Variants in PCDH11X observed in about 807,000 individuals in gnomAD.
PCDH11X encodes protocadherin 11 X-linked, also known as protocadherin-11 X-linked.
PCDH11X carries 18 observed loss-of-function variants against 53.3 expected under a neutral mutation model. The ratio of observed to expected loss-of-function variants is 0.34; its 90% CI spans 0.23 to 0.50. The LOEUF (loss-of-function observed/expected upper bound fraction) is 0.50, where lower values mean the gene tolerates loss of function less well. Among genes scored for constraint, PCDH11X ranks in the 20% least tolerant of loss-of-function variants. The pLI is 0.98. For synonymous variants in PCDH11X, 279 were observed against 393.3 expected (o/e 0.71, Z 3.44); for missense variants, 570 against 1,032.4 (o/e 0.55, Z 6.14).
intron 5 of PCDH11X, among the ~76,000 whole-genome samples, chrX:91,849,670 T>C (rs949871997): frequency 9.0e-6 from 1 of 111,057 alleles, no homozygotes; most frequent in Non-Finnish European, 1.9e-5. Context: ...TATATCCCAG[T>C]GTTGTCAAAT....
intron 6 of PCDH11X, among the ~76,000 whole-genome samples, chrX:92,067,475 T>G (rs1299898992): frequency 2.7e-5 from 3 of 111,860 alleles, no homozygotes; most frequent in Non-Finnish European, 5.6e-5. Flanking sequence ...TTTGTGTATG[T>G]GGAGTCATCT....
At chrX:92,386,264 A>G (rs2071009614) in intron 8 of PCDH11X, among the ~76,000 whole-genome samples, 1 of 111,392 alleles carries the variant, frequency 9.0e-6, no homozygotes, top group Admixed American at 9.6e-5. Context: ...AAATCTTTTC[A>G]TAGCTCCATC....
intron 6 of PCDH11X, among the ~76,000 whole-genome samples, chrX:92,099,034 T>C (rs1488490800): frequency 8.9e-6 from 1 of 112,188 alleles, no homozygotes; most frequent in East Asian, 2.8e-4. Context: ...ACTGGCCACA[T>C]CAAGCATGTT....
At chrX:92,493,734 C>T (rs1329712003) in intron 10 of PCDH11X, among the ~76,000 whole-genome samples, 3 of 102,770 alleles carry the variant, frequency 2.9e-5, no homozygotes, top group Non-Finnish European at 5.9e-5. Flanking sequence ...GCAACTTCCT[C>T]CTCTCAGGTT....
chrX:92,130,352 A>C lies in PCDH11X; in HGVS notation c.3034-71023A>C, dbSNP rs532287499. On this transcript the variant is annotated intron_variant, in intron 6 of 10. Coordinates refer to ENST00000682573, the MANE Select transcript of PCDH11X (RefSeq NM_032968.5). Reference sequence around the variant, plus strand: ...GTTAGCAGTTTACATCTTTAAAAAAAATTTATTATTGAGGCCGGGCACGGT... The same window carrying C: ...GTTAGCAGTTTACATCTTTAAAAAACATTTATTATTGAGGCCGGGCACGGT... Among the ~76,000 whole-genome samples, 6 of 111,030 alleles carry C rather than the reference A, an allele frequency of 5.4e-5. No individual in the cohort carries two copies. The South Asian group carries it at 2.3e-3, about 42-fold the overall frequency.
At chrX:92,205,380 T>C (rs1167027910) in intron 7 of PCDH11X, among the ~76,000 whole-genome samples, 1 of 111,393 alleles carries the variant, frequency 9.0e-6, no homozygotes, top group Admixed American at 9.6e-5. Context: ...AGAATTATAC[T>C]ACTAGTTTAT....
At chrX:92,374,594 T>G (rs1189644356) in intron 8 of PCDH11X, among the ~76,000 whole-genome samples, 1 of 111,522 alleles carries the variant, frequency 9.0e-6, no homozygotes, top group East Asian at 2.8e-4. Flanking sequence ...CTTCACAATA[T>G]GCCACATTTC....
At chrX:91,916,721 G>A (rs1315519405) in intron 6 of PCDH11X, among the ~76,000 whole-genome samples, 3 of 110,049 alleles carry the variant, frequency 2.7e-5, no homozygotes, top group Non-Finnish European at 5.7e-5. Context: ...ATTCACAGCT[G>A]AATCCTATCG....
intron 8 of PCDH11X, among the ~76,000 whole-genome samples, chrX:92,289,347 G>GT (rs201866082): frequency 0.025 from 2,733 of 111,299 alleles, 78 homozygotes; most frequent in East Asian, 0.11. Flanking sequence ...TATTCAAGTT[G>GT]TTTTTTCTAT....
intron 10 of PCDH11X, among the ~76,000 whole-genome samples, chrX:92,543,954 A>G (rs1569502931): frequency 9.4e-6 from 1 of 106,546 alleles, no homozygotes; most frequent in Non-Finnish European, 1.9e-5. Flanking sequence ...AAAACTCTGT[A>G]AGTAGGATGG....
intron 6 of PCDH11X, among the ~76,000 whole-genome samples, chrX:92,134,846 C>A (rs779364670): frequency 7.2e-5 from 8 of 110,682 alleles, no homozygotes; most frequent in Admixed American, 2.9e-4. Flanking sequence ...TTGGTTTTGG[C>A]GGGTTTTAGC....
At position 92,113,106 on chromosome X, in the gene PCDH11X, C is replaced by T. The variant is rs191559958; in HGVS notation, c.3034-88269C>T. 8.1e-4 allele frequency: 410 copies of T among 509,062 alleles called. 15 individuals carry two copies. In the African/African-American group the frequency reaches 9.8e-3, roughly 12 times the overall value. The allele number at this position is 509,062 out of a possible 1,213,427, so 42.0% of individuals were successfully genotyped here. ...CTTTTTATCTATTTTTTTTTTTTTG[C>T]CTCAAAAAGTGACATTTATTCAAAG... On this transcript the variant is annotated intron_variant, in intron 6 of 10. Transcript: ENST00000682573.
intron 10 of PCDH11X, among the ~76,000 whole-genome samples, chrX:92,519,346 C>T (rs1202669316): frequency 1.8e-5 from 2 of 108,277 alleles, no homozygotes; most frequent in Non-Finnish European, 3.9e-5. Context: ...TTATCTCTAT[C>T]AAAACATGAT....
At chrX:91,805,785 C>A (rs1027023541) in intron 1 of PCDH11X, among the ~76,000 whole-genome samples, 1 of 108,712 alleles carries the variant, frequency 9.2e-6, no homozygotes, top group African/African-American at 3.4e-5. Flanking sequence ...ATGGTGGCAC[C>A]ACTGCACTCT....
rs141758282 is a variant in PCDH11X at position 91,879,114 on chromosome X, G to A, written c.2874G>A (p.Ser958=). The A allele has an allele frequency of 8.7e-4, 1,054 of 1,208,967 alleles. 9 individuals carry two copies. In the East Asian group the frequency reaches 0.027, roughly 31 times the overall value. ...FQIQPETPLN[S]KHHIIQELPL... is the part of the protein sequence containing the mutation. ...TTCAGCCTGAAACTCCCCTGAATTCGAAGCACCACATCATCCAAGAACTGC... is the reference window on the plus strand; with the variant it reads ...TTCAGCCTGAAACTCCCCTGAATTCAAAGCACCACATCATCCAAGAACTGC... The change falls in exon 6 of 11, where the codon TCG becomes TCA. Residue 958 remains serine (S), a synonymous_variant. Coordinates refer to ENST00000682573, the MANE Select transcript of PCDH11X (RefSeq NM_032968.5).
At chrX:92,234,547 C>T (rs1209748418) in intron 7 of PCDH11X, among the ~76,000 whole-genome samples, 1 of 111,574 alleles carries the variant, frequency 9.0e-6, no homozygotes, top group Non-Finnish European at 1.9e-5. Context: ...ATTTTAGACT[C>T]CGTTTTCCAA....
At chrX:92,291,332 T>TATA (rs1434538598) in intron 8 of PCDH11X, among the ~76,000 whole-genome samples, 1 of 80,308 alleles carries the variant, frequency 1.2e-5, no homozygotes, top group African/African-American at 4.8e-5. Context: ...CTGTATCCTG[T>TATA]ATATACATTT....
chrX:92,604,245 C>G (rs1359965971), intron 10 of PCDH11X, among the ~76,000 whole-genome samples: 1 of 109,298 alleles, frequency 9.1e-6, no homozygotes, highest in African/African-American at 3.3e-5. Context: ...ATTAAAAATA[C>G]ATAAATTAAT....
At chrX:91,907,442 G>GAGAGAGAGAGAGAGA (rs1569436527) in intron 6 of PCDH11X, among the ~76,000 whole-genome samples, 3 of 92,065 alleles carry the variant, frequency 3.3e-5, no homozygotes, top group African/African-American at 8.1e-5. Flanking sequence ...GAGAGAGAGA[G>GAGAGAGAGAGAGAGA]GCTGACATAA....
Sources: gnomAD v4.1 joint callset for allele counts (sites outside exome capture counted in the v4.1 genomes callset) on GRCh38, gnomAD v4.1.1 for gene constraint, MANE v1.5 for transcripts, NCBI Gene and HGNC (gene_info 2026-07-23, HGNC 2026-07-21) for gene names.